The following ANK3 variants were observed in gnomAD, a reference collection of about 807,000 sequenced individuals.
ANK3 encodes ankyrin 3, also known as ankyrin-3.
In ANK3, 57 loss-of-function variants were observed where a neutral mutation model predicts 370.9. That is an observed-to-expected ratio of 0.15 (90% CI 0.12 to 0.19). The LOEUF (loss-of-function observed/expected upper bound fraction) is 0.19. ANK3 is among the 10% of genes least tolerant of loss of function. ANK3 has a pLI of 1.00. For synonymous variants in ANK3, 1,929 were observed against 1,946.3 expected (o/e 0.99, Z 0.23); for missense variants, 4,439 against 5,302.1 (o/e 0.84, Z 5.06).
intron 2 of ANK3, among the ~76,000 whole-genome samples, chr10:60,572,143 A>G (rs570025614): frequency 3.3e-5 from 5 of 152,356 alleles, no homozygotes; most frequent in African/African-American, 1.2e-4. Flanking sequence ...GTGAAATTTA[A>G]AGGAGAAAAA....
At chr10:60,213,658 T>C in intron 8 of ANK3, 148 bp from the exon 9 acceptor site, 1 of 444,312 alleles carries the variant, frequency 2.3e-6, no homozygotes, top group Non-Finnish European at 3.9e-6. Context: ...AATAATTCCT[T>C]ATTTTAGGTT....
intron 25 of ANK3, among the ~76,000 whole-genome samples, chr10:60,114,735 G>A (rs375117057): frequency 3.7e-4 from 56 of 152,260 alleles, no homozygotes; most frequent in African/African-American, 1.1e-3. Flanking sequence ...CAAGTGGGGC[G>A]GAGTAGCTAG....
At chr10:60,304,255 A>AACACACAC (rs55989975) in intron 1 of ANK3, among the ~76,000 whole-genome samples, 7 of 150,152 alleles carry the variant, frequency 4.7e-5, no homozygotes, top group Admixed American at 6.6e-5. Context: ...AATTGTTCAT[A>AACACACAC]ACACACACAC....
At chr10:60,712,029 G>C (rs944438597) in intron 1 of ANK3, among the ~76,000 whole-genome samples, 3 of 152,154 alleles carry the variant, frequency 2.0e-5, no homozygotes, top group Non-Finnish European at 2.9e-5. Context: ...CAAAAATTGA[G>C]GGAATATGTC....
intron 42 of ANK3, chr10:60,053,614 T>G: frequency 1.6e-6 from 2 of 1,217,928 alleles, no homozygotes; most frequent in South Asian, 1.4e-5. Context: ...CAAATGGAAT[T>G]TTCTCAGTAC....
At chr10:60,328,101 G>A (rs530407960) in intron 1 of ANK3, among the ~76,000 whole-genome samples, 15 of 152,236 alleles carry the variant, frequency 9.9e-5, no homozygotes, top group African/African-American at 2.9e-4. Context: ...CTATTCAAAC[G>A]TAGGCTTGAT....
chr10:60,349,897 A>G (rs966613536), intron 1 of ANK3, among the ~76,000 whole-genome samples: 9 of 152,354 alleles, frequency 5.9e-5, no homozygotes, highest in Admixed American at 4.6e-4. Context: ...AGAAAATAGC[A>G]GGGAAAGACC....
chr10:60,072,873 G>A lies in ANK3; in HGVS notation c.8008C>T (p.Pro2670Ser), dbSNP rs753295741. 1 of 1,614,054 alleles carries A rather than the reference G, an allele frequency of 6.2e-7. No individual in the cohort carries two copies. Among genetic ancestry groups the A allele is most frequent in the East Asian group, 2.2e-5 (1 of 44,868 alleles). Residue 2670 changes from proline to serine, a missense_variant, in exon 37 of 44, where the codon CCC becomes TCC. This residue lies in a region of ANK3 where 1,601 missense variants were observed against 1,731.7 expected (regional missense o/e 0.92). Transcript: ENST00000280772. ...AGAACCATCTTCTCTGGGCTGCTGGGCAGACTGGGTGCCTTCTCCTCGGCC... is the reference window on the plus strand; with the variant it reads ...AGAACCATCTTCTCTGGGCTGCTGGACAGACTGGGTGCCTTCTCCTCGGCC... ...PKAEEKAPSL[P>S]SSPEKMVLSQ...
intron 40 of ANK3, chr10:60,059,973 G>A (rs1478278219): frequency 2.5e-6 from 4 of 1,603,328 alleles, no homozygotes; most frequent in African/African-American, 2.7e-5. Flanking sequence ...CAACCCTGTG[G>A]GGGTTTCCAG....
At chr10:60,359,360 A>C (rs191034098) in intron 1 of ANK3, among the ~76,000 whole-genome samples, 13 of 152,156 alleles carry the variant, frequency 8.5e-5, no homozygotes, top group Admixed American at 6.5e-4. Context: ...CTTGGTTGGA[A>C]GTGTTAGTCA....
chr10:60,413,050 G>T (rs2063591340), intron 2 of ANK3, among the ~76,000 whole-genome samples: 2 of 152,156 alleles, frequency 1.3e-5, no homozygotes, highest in African/African-American at 2.4e-5. Flanking sequence ...AATAAAACCT[G>T]ACTTTACAAA....
At chr10:60,472,904 T>C (rs756792601) in intron 2 of ANK3, among the ~76,000 whole-genome samples, 13 of 152,152 alleles carry the variant, frequency 8.5e-5, no homozygotes, top group Non-Finnish European at 1.8e-4. Context: ...CATCCTCTTC[T>C]TCATGGAGCT....
intron 2 of ANK3, among the ~76,000 whole-genome samples, chr10:60,534,098 G>C (rs542198877): frequency 1.3e-5 from 2 of 151,994 alleles, no homozygotes; most frequent in Admixed American, 1.3e-4. Flanking sequence ...AAGAGTCACC[G>C]CTCCGATATT....
chr10:60,668,395 T>C (rs1400127468), intron 1 of ANK3, among the ~76,000 whole-genome samples: 1 of 151,402 alleles, frequency 6.6e-6, no homozygotes. Context: ...TTATAGTACT[T>C]AAGGGGCACA....
intron 1 of ANK3, among the ~76,000 whole-genome samples, chr10:60,703,061 A>C (rs1026286704): frequency 6.6e-6 from 1 of 152,150 alleles, no homozygotes; most frequent in Non-Finnish European, 1.5e-5. Context: ...GCAGAAACCC[A>C]CAGATTAAAG....
intron 2 of ANK3, among the ~76,000 whole-genome samples, chr10:60,461,247 CTT>C (rs760173976): frequency 7.9e-5 from 12 of 152,232 alleles, no homozygotes; most frequent in Non-Finnish European, 8.8e-5. Context: ...GAGAAAAACT[CTT>C]TTCTCAAACC....
At chr10:60,505,384 A>C (rs1567100841) in intron 2 of ANK3, among the ~76,000 whole-genome samples, 1 of 151,938 alleles carries the variant, frequency 6.6e-6, no homozygotes, top group Non-Finnish European at 1.5e-5. Flanking sequence ...CACTCATCTC[A>C]TTTGCCTAAT....
intron 4 of ANK3, among the ~76,000 whole-genome samples, chr10:60,274,980 C>T (rs766937699): frequency 6.6e-6 from 1 of 152,178 alleles, no homozygotes; most frequent in Non-Finnish European, 1.5e-5. Context: ...ATCATTAACT[C>T]AATGTGTTGT....
chr10:60,224,960 C>T (rs2097116165), intron 8 of ANK3, among the ~76,000 whole-genome samples: 1 of 149,428 alleles, frequency 6.7e-6, no homozygotes, highest in Non-Finnish European at 1.5e-5. Context: ...GTCACCCAGG[C>T]TGGAGTGTAA....
Sources: gnomAD v4.1 joint callset for allele counts (sites outside exome capture counted in the v4.1 genomes callset) on GRCh38, gnomAD v4.1.1 for gene constraint, gnomAD v4.1.1 regional missense constraint, MANE v1.5 for transcripts, NCBI Gene and HGNC (gene_info 2026-07-23, HGNC 2026-07-21) for gene names.